Variants in CNTLN observed in about 807,000 individuals in gnomAD.
CNTLN encodes centlein, also known as centlein, centrosomal protein.
A neutral mutation model predicts 180.0 loss-of-function variants in CNTLN; 212 were observed. The ratio of observed to expected loss-of-function variants is 1.18; its 90% confidence interval spans 1.05 to 1.32. The LOEUF is 1.32. Among genes scored for constraint, CNTLN ranks in the 40% most tolerant of loss-of-function variants. The pLI, the probability that CNTLN is intolerant of heterozygous loss-of-function variation, is 0.00. For missense variants in CNTLN, 2,095 were observed against 1,610.9 expected (o/e 1.30, Z -5.14); for synonymous variants, 722 against 563.1 (o/e 1.28, Z -3.99).
chr9:17,468,136 A>G (rs1564132206), intron 23 of CNTLN, among the ~76,000 whole-genome samples: 1 of 151,656 alleles, frequency 6.6e-6, no homozygotes, highest in South Asian at 2.1e-4. Flanking sequence ...GAACTAACAC[A>G]CAAAGGAAAA....
intron 18 of CNTLN, among the ~76,000 whole-genome samples, chr9:17,433,033 A>AAAAC (rs1554719647): frequency 1.3e-4 from 19 of 150,216 alleles, no homozygotes; most frequent in East Asian, 8.2e-4. Flanking sequence ...AAAAAAAAAA[A>AAAAC]AAAAACAAAG....
intron 5 of CNTLN, among the ~76,000 whole-genome samples, chr9:17,263,884 G>A (rs1827199590): frequency 1.4e-5 from 2 of 138,004 alleles, no homozygotes. Context: ...ACTTTTTGAT[G>A]GGGTTGTTTG....
chr9:17,279,830 G>GGGCCTTTAAGAGGCCATTGGGTCATGAA (rs779205698), intron 6 of CNTLN, among the ~76,000 whole-genome samples: 2 of 96,808 alleles, frequency 2.1e-5, no homozygotes, highest in Non-Finnish European at 4.7e-5. Flanking sequence ...GTGGGACATT[G>GGGCCTTTAAGAGGCCATTGGGTCATGAA]GGCTCTGCCT....
At chr9:17,312,120 T>G (rs1008569825) in intron 8 of CNTLN, among the ~76,000 whole-genome samples, 1 of 151,952 alleles carries the variant, frequency 6.6e-6, no homozygotes, top group Non-Finnish European at 1.5e-5. Flanking sequence ...TTCTTGCTCC[T>G]TTGCTTTTTT....
intron 13 of CNTLN, among the ~76,000 whole-genome samples, chr9:17,371,452 G>C (rs1465054177): frequency 6.6e-6 from 1 of 152,086 alleles, no homozygotes; most frequent in Admixed American, 6.6e-5. Context: ...CAACACGCTA[G>C]TACCCAGATA....
chr9:17,288,878 C>G (rs1382596874), intron 6 of CNTLN, among the ~76,000 whole-genome samples: 2 of 117,162 alleles, frequency 1.7e-5, no homozygotes, highest in African/African-American at 3.8e-5. Flanking sequence ...TTCCTGCATC[C>G]TTTTATTTTG....
chr9:17,394,869 TA>T lies in CNTLN; in HGVS notation c.2418del (p.Lys806AsnfsTer7). On this transcript the variant is annotated frameshift_variant, in exon 15 of 26. Transcript: ENST00000380647. LOFTEE classifies it high-confidence loss of function. The stretch of plus-strand genomic sequence containing the variant: ...AATCACACCAGTCAGCAGACAGAGC[TA>T]AATCCGAGATGGCCACCATGAAAGT... ...EKSHQSADRAKSEMATMKVRS... is the reference protein window; with the variant it reads ...EKSHQSADRAXSEMATMKVRS... 1.2e-6 allele frequency: 2 copies of T among 1,613,992 alleles called. No individual in the cohort carries two copies. Among genetic ancestry groups the T allele is most frequent in the South Asian group, 2.2e-5 (2 of 91,072 alleles).
chr9:17,255,645 T>C (rs1043193390), intron 5 of CNTLN, among the ~76,000 whole-genome samples: 2 of 151,850 alleles, frequency 1.3e-5, no homozygotes, highest in East Asian at 3.9e-4. Context: ...TGTTGTTTTC[T>C]AGCGTTGGTA....
chr9:17,310,997 A>G (rs1176844753), intron 8 of CNTLN, among the ~76,000 whole-genome samples: 1 of 151,980 alleles, frequency 6.6e-6, no homozygotes, highest in Non-Finnish European at 1.5e-5. Flanking sequence ...ATTTTCTTCA[A>G]GGTGTCATTT....
intron 2 of CNTLN, among the ~76,000 whole-genome samples, chr9:17,153,472 T>C (rs1456061769): frequency 1.3e-5 from 2 of 152,214 alleles, no homozygotes; most frequent in Non-Finnish European, 2.9e-5. Flanking sequence ...TTAAGAACAT[T>C]GAATATTGGC....
In CNTLN at chr9:17,476,685, C is replaced by G. The variant is rs551774270; in HGVS notation, c.3856-7610C>G. On this transcript the variant is annotated intron_variant, in intron 23 of 25. Coordinates refer to ENST00000380647, the MANE Select transcript of CNTLN (RefSeq NM_017738.4). ...AGCTTAATCCAGAGCAGGGCCCTGTCTTCAGTTCTTCAAAGGATGAGGGAG... is the reference window on the plus strand; with the variant it reads ...AGCTTAATCCAGAGCAGGGCCCTGTGTTCAGTTCTTCAAAGGATGAGGGAG... Among the ~76,000 whole-genome samples, 111 of 152,272 alleles carry G rather than the reference C, an allele frequency of 7.3e-4. 1 individual carries two copies. Among genetic ancestry groups the G allele is most frequent in the South Asian group, 1.2e-3 (6 of 4,820 alleles).
chr9:17,427,431 T>A (rs1240121786), intron 18 of CNTLN, among the ~76,000 whole-genome samples: 1 of 152,144 alleles, frequency 6.6e-6, no homozygotes, highest in African/African-American at 2.4e-5. Flanking sequence ...TACCTGTATT[T>A]CCTGTCAAAT....
At chr9:17,493,394 G>A (rs118064288) in intron 25 of CNTLN, among the ~76,000 whole-genome samples, 1,772 of 152,100 alleles carry the variant, frequency 0.012, 12 homozygotes, top group Non-Finnish European at 0.018. Flanking sequence ...ATATAGTATG[G>A]AACAGTTTTG....
intron 4 of CNTLN, among the ~76,000 whole-genome samples, chr9:17,236,123 G>A (rs994108523): frequency 3.9e-5 from 6 of 152,074 alleles, no homozygotes; most frequent in South Asian, 2.1e-4. Flanking sequence ...GTCTGTATGG[G>A]TCTCAAAAAT....
intron 5 of CNTLN, among the ~76,000 whole-genome samples, chr9:17,253,540 A>G (rs1415955411): frequency 6.6e-6 from 1 of 151,276 alleles, no homozygotes; most frequent in African/African-American, 2.4e-5. Context: ...TGGAAGTAGA[A>G]TTGCTTTTTT....
chr9:17,206,920 C>T (rs1822964497), intron 2 of CNTLN, among the ~76,000 whole-genome samples: 1 of 152,228 alleles, frequency 6.6e-6, no homozygotes, highest in Admixed American at 6.5e-5. Context: ...GGCCTCATGC[C>T]AAACAGCTTG....
chr9:17,514,845 G>C, the CNTLN span, among the ~76,000 whole-genome samples: 3 of 152,134 alleles, frequency 2.0e-5, no homozygotes, highest in African/African-American at 7.2e-5. Context: ...TAGCTCCTCT[G>C]AACCATGTGC....
intron 2 of CNTLN, among the ~76,000 whole-genome samples, chr9:17,165,726 G>T (rs1161948770): frequency 6.6e-6 from 1 of 152,280 alleles, no homozygotes; most frequent in Admixed American, 6.5e-5. Flanking sequence ...AAAACTGGGG[G>T]AATAAGTGAA....
intron 6 of CNTLN, 27 bp downstream of exon 6, chr9:17,273,893 C>G: frequency 6.8e-7 from 1 of 1,471,970 alleles, no homozygotes; most frequent in Non-Finnish European, 9.1e-7. Context: ...TTTAATTTAA[C>G]ATCATAGAAA....
Sources: gnomAD v4.1 joint callset for allele counts (sites outside exome capture counted in the v4.1 genomes callset) on GRCh38, gnomAD v4.1.1 for gene constraint, MANE v1.5 for transcripts, NCBI Gene and HGNC (gene_info 2026-07-23, HGNC 2026-07-21) for gene names.